The following AP3B1 variants were observed in gnomAD, a reference collection of about 807,000 sequenced individuals.
AP3B1 encodes the protein adaptor related protein complex 3 subunit beta 1, also known as AP-3 complex subunit beta-1.
In AP3B1, 61 loss-of-function variants were observed where a neutral mutation model predicts 132.5. The ratio of observed to expected loss-of-function variants is 0.46; its 90% confidence interval spans 0.37 to 0.57. AP3B1 has a LOEUF of 0.57. Among genes scored for constraint, AP3B1 ranks in the 20% least tolerant of loss-of-function variants. The probability of loss-of-function intolerance (pLI) is 0.00; values close to 1 mark genes in which losing one functional copy is unlikely to be tolerated. For missense variants in AP3B1, 1,120 were observed against 1,289.4 expected, an observed-to-expected ratio of 0.87 and a Z score of 2.01; for synonymous variants, 388 against 438.3, an observed-to-expected ratio of 0.89 and a Z score of 1.43.
chr5:78,002,788 G>A lies in AP3B1; in HGVS notation c.*114C>T. On this transcript the variant is annotated 3_prime_UTR_variant, in exon 27 of 27. Coordinates refer to ENST00000255194, the MANE Select transcript of AP3B1 (RefSeq NM_003664.5). ...AGCAGGAGACAAGAATGTCAAGAGT[G>A]TATTCTACCCCCACTGCCAGATGGA... is the stretch of plus-strand genomic sequence containing the variant. 8.6e-7 allele frequency: 1 copy of A among 1,161,494 alleles called. No individual in the cohort carries two copies. The highest frequency in any genetic ancestry group is 1.2e-5 in the South Asian group (1 of 82,000). 71.9% of individuals were successfully genotyped at this position (1,161,494 alleles called of 1,614,324 possible).
chr5:78,153,225 G>T (rs191639720), intron 14 of AP3B1, among the ~76,000 whole-genome samples: 3 of 152,114 alleles, frequency 2.0e-5, no homozygotes, highest in African/African-American at 7.2e-5. Flanking sequence ...CTCCAGTGTT[G>T]AGTGCATATA....
At chr5:78,241,307 C>T (rs1029266448) in intron 2 of AP3B1, among the ~76,000 whole-genome samples, 1 of 151,952 alleles carries the variant, frequency 6.6e-6, no homozygotes, top group Non-Finnish European at 1.5e-5. Flanking sequence ...TAAGTGATCC[C>T]CCACCTCAGC....
intron 12 of AP3B1, among the ~76,000 whole-genome samples, chr5:78,163,378 A>C (rs1743467052): frequency 6.6e-6 from 1 of 152,164 alleles, no homozygotes; most frequent in Non-Finnish European, 1.5e-5. Context: ...AACTGGGAGA[A>C]AAGGAAGAAA....
At chr5:78,103,514 T>C (rs531349639) in intron 20 of AP3B1, among the ~76,000 whole-genome samples, 19 of 152,284 alleles carry the variant, frequency 1.2e-4, no homozygotes, top group East Asian at 9.6e-4. Context: ...ACCAAACACA[T>C]TGACAGATCA....
At chr5:78,013,423 CAAA>C (rs1360398267) in intron 26 of AP3B1, among the ~76,000 whole-genome samples, 1 of 152,010 alleles carries the variant, frequency 6.6e-6, no homozygotes, top group Admixed American at 6.6e-5. Flanking sequence ...AAAAGAAACC[CAAA>C]ACAACCTATA....
At chr5:78,100,613 A>G (rs376992462) in intron 21 of AP3B1, among the ~76,000 whole-genome samples, 24 of 152,332 alleles carry the variant, frequency 1.6e-4, no homozygotes, top group African/African-American at 5.5e-4. Flanking sequence ...CTTAAGTTAC[A>G]TGTGTCAATC....
intron 1 of AP3B1, among the ~76,000 whole-genome samples, chr5:78,278,934 A>T (rs527719767): frequency 6.6e-6 from 1 of 151,936 alleles, no homozygotes; most frequent in South Asian, 2.1e-4. Flanking sequence ...CCCCAAGCCA[A>T]CCCCCACCCC....
At chr5:78,110,400 T>A (rs1751523231) in intron 19 of AP3B1, 46 bp from the exon 20 acceptor site, 2 of 1,426,208 alleles carry the variant, frequency 1.4e-6, no homozygotes, top group Non-Finnish European at 1.9e-6. Flanking sequence ...AACTCCTTTA[T>A]ATAAGCAGTT....
intron 21 of AP3B1, among the ~76,000 whole-genome samples, chr5:78,092,194 A>C (rs1384229987): frequency 6.6e-6 from 1 of 152,242 alleles, no homozygotes; most frequent in African/African-American, 2.4e-5. Context: ...AAAAAACTGA[A>C]TAAGAAACAG....
At chr5:78,102,979 C>G (rs1751191082) in intron 20 of AP3B1, among the ~76,000 whole-genome samples, 1 of 152,098 alleles carries the variant, frequency 6.6e-6, no homozygotes. Flanking sequence ...TTCAAAAGGA[C>G]AGAATTTCAT....
intron 17 of AP3B1, among the ~76,000 whole-genome samples, chr5:78,117,488 T>A (rs1164805290): frequency 1.3e-5 from 2 of 151,992 alleles, no homozygotes; most frequent in Non-Finnish European, 2.9e-5. Flanking sequence ...TTTTGTATTT[T>A]TAGTAGAGAC....
At chr5:78,286,583 G>A (rs898996428) in intron 1 of AP3B1, among the ~76,000 whole-genome samples, 3 of 152,158 alleles carry the variant, frequency 2.0e-5, no homozygotes, top group African/African-American at 7.2e-5. Flanking sequence ...CCAAAAATGT[G>A]AGAAATAAAA....
At chr5:78,063,353 G>A (rs185444246) in intron 22 of AP3B1, among the ~76,000 whole-genome samples, 249 of 152,188 alleles carry the variant, frequency 1.6e-3, no homozygotes, top group Middle Eastern at 3.4e-3. Context: ...TATTTTTTCA[G>A]GAACGATGCT....
At chr5:78,289,537 T>C (rs1254413399) in intron 1 of AP3B1, among the ~76,000 whole-genome samples, 1 of 152,350 alleles carries the variant, frequency 6.6e-6, no homozygotes, top group South Asian at 2.1e-4. Context: ...CAGGAGGTAC[T>C]GCATTGCTAA....
At chr5:78,247,559 T>TTA (rs1029527517) in intron 2 of AP3B1, among the ~76,000 whole-genome samples, 11 of 151,910 alleles carry the variant, frequency 7.2e-5, no homozygotes, top group African/African-American at 2.6e-4. Flanking sequence ...ACATGTAAGA[T>TTA]TATTATGTCT....
At chr5:78,261,262 C>T (rs1030529668) in intron 2 of AP3B1, among the ~76,000 whole-genome samples, 1 of 152,158 alleles carries the variant, frequency 6.6e-6, no homozygotes, top group Admixed American at 6.5e-5. Flanking sequence ...CTACCCTCAC[C>T]AACACTTACA....
At chr5:78,277,156 AC>A (rs1431499143) in intron 1 of AP3B1, among the ~76,000 whole-genome samples, 2 of 152,218 alleles carry the variant, frequency 1.3e-5, no homozygotes, top group East Asian at 3.8e-4. Context: ...ATGAAACAAA[AC>A]TACAATAGAG....
At chr5:78,250,071 A>T (rs1159976504) in intron 2 of AP3B1, among the ~76,000 whole-genome samples, 1 of 152,202 alleles carries the variant, frequency 6.6e-6, no homozygotes, top group Admixed American at 6.5e-5. Context: ...AGCATCTACC[A>T]ATCTAGTTAC....
intron 22 of AP3B1, chr5:78,042,988 T>G (rs1481668115): frequency 5.6e-6 from 1 of 179,046 alleles, no homozygotes. Context: ...GATCCAAATG[T>G]TCTTGATCTT....
Sources: gnomAD v4.1 joint callset for allele counts (sites outside exome capture counted in the v4.1 genomes callset) on GRCh38, gnomAD v4.1.1 for gene constraint, MANE v1.5 for transcripts, NCBI Gene and HGNC (gene_info 2026-07-23, HGNC 2026-07-21) for gene names.